Variants in PPP6R3 observed in about 807,000 individuals in gnomAD.
The protein encoded by PPP6R3 is serine/threonine-protein phosphatase 6 regulatory subunit 3.
PPP6R3 carries 38 observed loss-of-function variants against 110.7 expected under a neutral mutation model. That is an observed-to-expected ratio of 0.34 (90% CI 0.26 to 0.45). The LOEUF is 0.45. Among genes scored for constraint, PPP6R3 ranks in the 20% least tolerant of loss-of-function variants. The pLI is 1.00. For missense variants in PPP6R3, 870 were observed against 1,062.4 expected, an observed-to-expected ratio of 0.82 and a Z score of 2.52; for synonymous variants, 369 against 373.5, an observed-to-expected ratio of 0.99 and a Z score of 0.14.
intron 1 of PPP6R3, among the ~76,000 whole-genome samples, chr11:68,503,622 G>A (rs577662170): frequency 2.0e-5 from 3 of 152,334 alleles, no homozygotes; most frequent in South Asian, 2.1e-4. Context: ...TGAGGTGTAC[G>A]TGAGGACAGA....
chr11:68,494,408 CAAAAAAA>C (rs35190764), intron 1 of PPP6R3, among the ~76,000 whole-genome samples: 4 of 60,382 alleles, frequency 6.6e-5, no homozygotes, highest in Non-Finnish European at 9.1e-5. Context: ...CCTGTAATCT[CAAAAAAA>C]AAAAAAAAAA....
At chr11:68,469,854 C>G (rs1369392634) in intron 1 of PPP6R3, among the ~76,000 whole-genome samples, 1 of 152,192 alleles carries the variant, frequency 6.6e-6, no homozygotes, top group East Asian at 1.9e-4. Flanking sequence ...CCACTTCCCT[C>G]TTTCTGACCT....
chr11:68,539,483 A>G (rs1033454240), intron 3 of PPP6R3, among the ~76,000 whole-genome samples: 9 of 152,230 alleles, frequency 5.9e-5, no homozygotes, highest in Non-Finnish European at 1.0e-4. Flanking sequence ...TCCTCTGGAC[A>G]CAGCCTTCTG....
In PPP6R3 at chr11:68,541,490, G is replaced by A. The variant is rs1380317364; in HGVS notation, c.228-3348G>A. On this transcript the variant is annotated intron_variant, in intron 3 of 23. Coordinates refer to ENST00000393800, the MANE Select transcript of PPP6R3 (RefSeq NM_001164161.2). ...GTCAAGAGTGACTATGAGGATTTTG[G>A]CCTGGGCAGTTAAGAGGATGGAGTG... Among the ~76,000 whole-genome samples the A allele has an allele frequency of 3.0e-5, 4 of 134,862 alleles. No individual in the cohort carries two copies. The East Asian group carries it at 9.4e-4, about 32-fold the overall frequency. The allele number at this position is 134,862 out of a possible 152,430, so 88.5% of individuals were successfully genotyped here.
chr11:68,482,809 T>C (rs1443534567), intron 1 of PPP6R3, among the ~76,000 whole-genome samples: 3 of 152,192 alleles, frequency 2.0e-5, no homozygotes, highest in Non-Finnish European at 4.4e-5. Flanking sequence ...TGATTTTTTT[T>C]CTGTATATTT....
At chr11:68,558,470 T>C in intron 7 of PPP6R3, 96 bp from the exon 8 acceptor site, 1 of 723,530 alleles carries the variant, frequency 1.4e-6, no homozygotes, top group Non-Finnish European at 2.4e-6. Context: ...AAGTATGAAC[T>C]CTTCAGTGAT....
Position 68,573,150 on chromosome 11 carries a change from AT to A in PPP6R3, c.1344-958del, listed in dbSNP as rs1565935823. Among the ~76,000 whole-genome samples the A allele has an allele frequency of 2.8e-4, 23 of 82,758 alleles. 1 individual carries two copies. The highest frequency in any genetic ancestry group is 6.8e-4 in the East Asian group (2 of 2,926). The allele number at this position is 82,758 out of a possible 152,430, so 54.3% of individuals were successfully genotyped here. ...TATATATATATATATATATATATAT[AT>A]ATAATTTTTTTTTTTTTGAGACGGA... On this transcript the variant is annotated intron_variant, in intron 12 of 23. Transcript: ENST00000393800.
At chr11:68,494,644 CTGAT>C (rs1413719029) in intron 1 of PPP6R3, among the ~76,000 whole-genome samples, 8 of 152,100 alleles carry the variant, frequency 5.3e-5, no homozygotes, top group African/African-American at 1.7e-4. Flanking sequence ...TTCTTCTTGA[CTGAT>C]TGCTTGATCA....
chr11:68,535,799 TAAAAAAAAAAA>T (rs1269536453), intron 2 of PPP6R3, among the ~76,000 whole-genome samples: 15 of 78,390 alleles, frequency 1.9e-4, no homozygotes, highest in African/African-American at 7.1e-4. Context: ...CCGTCTCTAC[TAAAAAAAAAAA>T]AAAAAAAAAA....
At chr11:68,558,861 A>G (rs2099408867) in intron 8 of PPP6R3, among the ~76,000 whole-genome samples, 182 bp downstream of exon 8, 1 of 152,208 alleles carries the variant, frequency 6.6e-6, no homozygotes, top group Admixed American at 6.5e-5. Context: ...GCAGTTGAAA[A>G]TTATGTTTTG....
chr11:68,474,265 C>T (rs758276559), intron 1 of PPP6R3, among the ~76,000 whole-genome samples: 15 of 152,070 alleles, frequency 9.9e-5, no homozygotes, highest in African/African-American at 9.7e-5. Context: ...AGGCTGGTCT[C>T]GAACTTCTGG....
chr11:68,576,000 C>T lies in PPP6R3; in HGVS notation c.1502C>T (p.Thr501Ile), dbSNP rs375667385. 20 of 1,612,570 alleles carry T rather than the reference C, an allele frequency of 1.2e-5. No homozygotes were observed. The highest frequency in any genetic ancestry group is 3.3e-4 in the Middle Eastern group (2 of 6,056). The change falls in exon 14 of 24, where the codon ACA (threonine) becomes ATA (isoleucine). Residue 501 changes from threonine (T) to isoleucine (I), a missense_variant. Transcript: ENST00000393800. Reference protein sequence around the residue: ...EVRERWETFCTSSLGETNKRN... With the variant: ...EVRERWETFCISSLGETNKRN... ...AGGGAACGATGGGAGACGTTCTGCA[C>T]AAGCTCCTTAGGAGAAACTAACAAG...
chr11:68,523,624 T>C (rs1017517916), intron 2 of PPP6R3, among the ~76,000 whole-genome samples: 5 of 151,904 alleles, frequency 3.3e-5, no homozygotes, highest in Non-Finnish European at 5.9e-5. Flanking sequence ...CTCATTGTGA[T>C]GGCCTGTGCA....
intron 22 of PPP6R3, among the ~76,000 whole-genome samples, chr11:68,605,730 A>AT (rs1177985708): frequency 5.9e-5 from 9 of 152,246 alleles, no homozygotes; most frequent in Admixed American, 4.6e-4. Context: ...AAATAACCTT[A>AT]TATCAATGAG....
intron 3 of PPP6R3, 52 bp from the exon 4 acceptor site, chr11:68,544,785 TA>T: frequency 1.6e-6 from 2 of 1,261,962 alleles, no homozygotes; most frequent in Non-Finnish European, 2.2e-6. Flanking sequence ...TGTTTATCTT[TA>T]TGTAATTAAA....
At chr11:68,577,743 T>A (rs1350819253) in intron 14 of PPP6R3, among the ~76,000 whole-genome samples, 1 of 152,204 alleles carries the variant, frequency 6.6e-6, no homozygotes, top group Non-Finnish European at 1.5e-5. Flanking sequence ...AAATAAAACG[T>A]TCAGCCCCTG....
At chr11:68,513,051 G>T (rs970608365) in intron 1 of PPP6R3, among the ~76,000 whole-genome samples, 1 of 152,034 alleles carries the variant, frequency 6.6e-6, no homozygotes, top group Non-Finnish European at 1.5e-5. Flanking sequence ...TGGACTCCAC[G>T]ATATACACCA....
At chr11:68,483,701 C>G (rs965914739) in intron 1 of PPP6R3, among the ~76,000 whole-genome samples, 6 of 152,220 alleles carry the variant, frequency 3.9e-5, no homozygotes, top group African/African-American at 1.4e-4. Context: ...AGGCTGGTCT[C>G]AAACTCCTGA....
chr11:68,487,496 G>C (rs1161767976), intron 1 of PPP6R3, among the ~76,000 whole-genome samples: 1 of 151,980 alleles, frequency 6.6e-6, no homozygotes, highest in Non-Finnish European at 1.5e-5. Flanking sequence ...CCTGAACCTG[G>C]GAGGCAGAGG....
Sources: allele counts gnomAD v4.1 joint callset (sites outside exome capture counted in the v4.1 genomes callset), GRCh38; gene constraint gnomAD v4.1.1; transcripts MANE v1.5; gene names NCBI Gene and HGNC (gene_info 2026-07-23, HGNC 2026-07-21).